TCF7L2: variants seen among roughly 807,000 people sequenced by gnomAD.
TCF7L2 encodes transcription factor 7 like 2.
Under a neutral mutation model 77.9 loss-of-function variants are expected in TCF7L2, and 23 were observed. The ratio of observed to expected loss-of-function variants is 0.30; its 90% CI spans 0.21 to 0.42. TCF7L2 has a LOEUF of 0.42. Among genes scored for constraint, TCF7L2 ranks in the 10% least tolerant of loss-of-function variants. The pLI, the probability that TCF7L2 is intolerant of heterozygous loss-of-function variation, is 1.00. For synonymous variants in TCF7L2, 413 were observed against 340.2 expected (o/e 1.21, Z -2.36); for missense variants, 654 against 793.1 (o/e 0.82, Z 2.11).
At chr10:113,005,708 G>T (rs140482120) in intron 4 of TCF7L2, among the ~76,000 whole-genome samples, 6 of 152,162 alleles carry the variant, frequency 3.9e-5, no homozygotes, top group South Asian at 2.1e-4. Flanking sequence ...GGGGTTGGCT[G>T]GGGGGGAGGA....
chr10:113,017,349 T>C (rs988785606), intron 4 of TCF7L2, among the ~76,000 whole-genome samples: 1 of 150,028 alleles, frequency 6.7e-6, no homozygotes, highest in Non-Finnish European at 1.5e-5. Context: ...GCTGGCGTTA[T>C]CCCATTTTAC....
intron 4 of TCF7L2, among the ~76,000 whole-genome samples, chr10:113,026,536 G>A (rs1441301599): frequency 6.6e-6 from 1 of 152,186 alleles, no homozygotes; most frequent in Non-Finnish European, 1.5e-5. Flanking sequence ...CAGGGAGTTA[G>A]GTCCGTCTGT....
intron 5 of TCF7L2, among the ~76,000 whole-genome samples, chr10:113,071,851 C>G (rs188054559): frequency 6.6e-6 from 1 of 152,208 alleles, no homozygotes; most frequent in East Asian, 1.9e-4. Context: ...GACTCCCCCC[C>G]ACCCCCCATG....
chr10:113,096,718 T>TA (rs1346379182), intron 5 of TCF7L2, among the ~76,000 whole-genome samples: 12 of 152,084 alleles, frequency 7.9e-5, no homozygotes, highest in Middle Eastern at 3.2e-3. Flanking sequence ...ACAGCACACT[T>TA]ACAGCCAGCT....
intron 4 of TCF7L2, among the ~76,000 whole-genome samples, chr10:112,984,454 T>A (rs1190501755): frequency 1.3e-5 from 2 of 152,180 alleles, no homozygotes; most frequent in African/African-American, 4.8e-5. Context: ...GAGCAGTGCC[T>A]TACCTCTTTA....
At chr10:112,963,622 G>A (rs1161288781) in intron 3 of TCF7L2, among the ~76,000 whole-genome samples, 1 of 152,176 alleles carries the variant, frequency 6.6e-6, no homozygotes, top group African/African-American at 2.4e-5. Context: ...AGTGATTATT[G>A]TATTGTTTAT....
intron 4 of TCF7L2, among the ~76,000 whole-genome samples, chr10:113,023,646 A>G (rs2133915731): frequency 6.6e-6 from 1 of 151,098 alleles, no homozygotes; most frequent in Admixed American, 6.6e-5. Flanking sequence ...TAATTTTTCT[A>G]TTGTTTTATT....
intron 5 of TCF7L2, chr10:113,131,892 C>CTTAACTTAAACT (rs2066657350): frequency 6.6e-6 from 1 of 152,210 alleles, no homozygotes; most frequent in Non-Finnish European, 1.5e-5. Context: ...TCAACTTTGC[C>CTTAACTTAAACT]TGGGTCACTC....
intron 5 of TCF7L2, among the ~76,000 whole-genome samples, chr10:113,069,201 C>T (rs567255425): frequency 1.3e-5 from 2 of 151,114 alleles, no homozygotes; most frequent in South Asian, 4.2e-4. Flanking sequence ...GTGTCCAGCT[C>T]AGAGGGTGCA....
intron 4 of TCF7L2, among the ~76,000 whole-genome samples, chr10:113,030,686 A>C (rs372884854): frequency 2.6e-5 from 4 of 152,326 alleles, no homozygotes; most frequent in East Asian, 3.9e-4. Context: ...GCCAAGGAGC[A>C]TTAGCCTGTC....
At chr10:112,984,409 C>T (rs534356152) in intron 4 of TCF7L2, among the ~76,000 whole-genome samples, 22 of 152,234 alleles carry the variant, frequency 1.4e-4, no homozygotes, top group African/African-American at 4.1e-4. Flanking sequence ...TAATTTGTCC[C>T]GGGCATTCTG....
At position 113,005,015 on chromosome 10, in the gene TCF7L2, G is replaced by A. The variant is rs549679910; in HGVS notation, c.451-35010G>A. Among the ~76,000 whole-genome samples, 5 of 152,314 alleles carry A rather than the reference G, an allele frequency of 3.3e-5. No individual in the cohort carries two copies. The South Asian group carries it at 8.3e-4, about 25-fold the overall frequency. ...ACCCCTCCTTCTGATGCCTCAGAAA[G>A]TCTTGCTCTGTAAGCCTCTTGTAGC... On this transcript the variant is annotated intron_variant, in intron 4 of 13. Transcript: ENST00000627217.
chr10:112,991,933 A>G (rs1425517440), intron 4 of TCF7L2, among the ~76,000 whole-genome samples: 2 of 152,090 alleles, frequency 1.3e-5, no homozygotes, highest in African/African-American at 4.8e-5. Flanking sequence ...GGAGGGGTGA[A>G]ACGCCCCCAG....
At chr10:113,014,844 T>C (rs1175365790) in intron 4 of TCF7L2, among the ~76,000 whole-genome samples, 2 of 152,036 alleles carry the variant, frequency 1.3e-5, no homozygotes, top group Non-Finnish European at 2.9e-5. Context: ...TTCTGTCCTT[T>C]ATGGGAGACT....
At chr10:112,952,608 C>G (rs533455419) in intron 3 of TCF7L2, among the ~76,000 whole-genome samples, 3 of 152,298 alleles carry the variant, frequency 2.0e-5, no homozygotes, top group African/African-American at 7.2e-5. Context: ...CGTCGTGGGC[C>G]CCAGGGGGGC....
intron 5 of TCF7L2, among the ~76,000 whole-genome samples, chr10:113,084,499 G>A (rs1371826593): frequency 2.0e-5 from 3 of 152,172 alleles, no homozygotes; most frequent in Admixed American, 6.5e-5. Context: ...AGGACCATCC[G>A]CCTTACTCAG....
intron 12 of TCF7L2, among the ~76,000 whole-genome samples, chr10:113,160,444 A>C (rs373001158): frequency 6.7e-6 from 1 of 149,680 alleles, no homozygotes; most frequent in East Asian, 2.0e-4. Context: ...TTATTTTATT[A>C]TTTTTTTTCT....
chr10:112,960,867 A>G (rs567842350), intron 3 of TCF7L2, among the ~76,000 whole-genome samples: 10 of 146,510 alleles, frequency 6.8e-5, no homozygotes, highest in Non-Finnish European at 1.4e-4. Flanking sequence ...TTATTTTTGT[A>G]TTTTTAGTGG....
intron 5 of TCF7L2, among the ~76,000 whole-genome samples, chr10:113,067,132 A>G (rs1377657511): frequency 6.6e-6 from 1 of 152,240 alleles, no homozygotes; most frequent in African/African-American, 2.4e-5. Context: ...GTGGTTTTGA[A>G]TAAATCAACA....
Sources: gnomAD v4.1 joint callset for allele counts (sites outside exome capture counted in the v4.1 genomes callset) on GRCh38, gnomAD v4.1.1 for gene constraint, MANE v1.5 for transcripts, NCBI Gene and HGNC (gene_info 2026-07-23, HGNC 2026-07-21) for gene names.